The following GPR19 variants were observed in gnomAD, a reference collection of about 807,000 sequenced individuals.
GPR19 encodes G protein-coupled receptor 19.
Under a neutral mutation model 28.5 loss-of-function variants are expected in GPR19, and 14 were observed. That is an observed-to-expected ratio of 0.49 (90% CI 0.32 to 0.77). GPR19 has a LOEUF of 0.77. Among genes scored for constraint, GPR19 ranks in the 30% least tolerant of loss-of-function variants. GPR19 has a pLI of 0.03. For missense variants in GPR19, 409 were observed against 504.1 expected (o/e 0.81, Z 1.81); for synonymous variants, 173 against 184.1 (o/e 0.94, Z 0.49).
chr12:12,685,111 C>G (rs534835472), intron 2 of GPR19: 1 of 152,140 alleles, frequency 6.6e-6, no homozygotes, highest in Non-Finnish European at 1.5e-5. Context: ...ATAAACCACA[C>G]CATATGTTTA....
chr12:12,690,867 C>A (rs895034213), intron 2 of GPR19, among the ~76,000 whole-genome samples: 1 of 152,194 alleles, frequency 6.6e-6, no homozygotes, highest in Admixed American at 6.5e-5. Flanking sequence ...CTAAAAAGGG[C>A]TGTTGGCAAT....
chr12:12,694,768 T>C (rs567141855), intron 2 of GPR19, among the ~76,000 whole-genome samples: 2 of 152,324 alleles, frequency 1.3e-5, no homozygotes, highest in South Asian at 4.1e-4. Flanking sequence ...ACACTTTATA[T>C]GACATCATAT....
chr12:12,701,720 C>G, the GPR19 span, among the ~76,000 whole-genome samples: 2 of 152,040 alleles, frequency 1.3e-5, no homozygotes, highest in Non-Finnish European at 2.9e-5. Context: ...TGCTTGACTC[C>G]AGGAGTTTGA....
rs193119451 is a variant in GPR19 at position 12,665,568 on chromosome 12, G to A, written c.-22-3098C>T. On this transcript the variant is annotated intron_variant, in intron 3 of 3. Transcript: ENST00000651487. ...AGAAAACAAAGATCGGCCGAGCGCG[G>A]TGGCTCACGCCTGTAATCCCAGCAC... 5.0e-4 allele frequency among the ~76,000 whole-genome samples: 76 copies of A among 152,272 alleles called. No homozygotes were observed. In the Middle Eastern group the frequency reaches 0.024, roughly 48 times the overall value.
intron 3 of GPR19, among the ~76,000 whole-genome samples, chr12:12,665,975 CG>C (rs1003909699): frequency 2.0e-5 from 3 of 151,832 alleles, no homozygotes; most frequent in African/African-American, 7.3e-5. Context: ...CAGTTTTGCC[CG>C]GGTAAGGGGA....
rs540121532 is a variant in GPR19 at position 12,695,112 on chromosome 12, T to C, written c.-180+347A>G. 6.6e-5 allele frequency among the ~76,000 whole-genome samples: 10 copies of C among 152,336 alleles called. No individual in the cohort carries two copies. The South Asian group carries it at 1.5e-3, about 22-fold the overall frequency. ...TACAGATGAAGTGATACTCTTTACC[T>C]ATCAGCCATTCCTTTGTTGGAGTAA... On this transcript the variant is annotated intron_variant, in intron 2 of 3. Transcript: ENST00000651487.
At chr12:12,699,354 T>C (rs1205746781), upstream of GPR19, among the ~76,000 whole-genome samples, 4 of 151,912 alleles carry the variant, frequency 2.6e-5, no homozygotes, top group Non-Finnish European at 4.4e-5. Context: ...GAAAAAAAAA[T>C]TGAAAACATA....
chr12:12,692,952 A>G (rs1946208324), intron 2 of GPR19, among the ~76,000 whole-genome samples: 2 of 152,188 alleles, frequency 1.3e-5, no homozygotes, highest in African/African-American at 4.8e-5. Flanking sequence ...AAGGAACCCA[A>G]TTAAAGACAG....
the GPR19 span, among the ~76,000 whole-genome samples, chr12:12,705,269 A>G: frequency 6.6e-6 from 1 of 152,166 alleles, no homozygotes; most frequent in East Asian, 1.9e-4. Flanking sequence ...GTGAGCTGAG[A>G]TCGTGCTATT....
chr12:12,690,971 G>A (rs1472745465), intron 2 of GPR19, among the ~76,000 whole-genome samples: 1 of 152,134 alleles, frequency 6.6e-6, no homozygotes, highest in African/African-American at 2.4e-5. Flanking sequence ...CCATATATAA[G>A]TGTTACTGTG....
chr12:12,687,683 A>G (rs1404265877), intron 2 of GPR19, among the ~76,000 whole-genome samples: 1 of 152,248 alleles, frequency 6.6e-6, no homozygotes, highest in Admixed American at 6.5e-5. Context: ...AATAGCTCCA[A>G]TAATTAGGTA....
At chr12:12,714,273 C>A in the GPR19 span, among the ~76,000 whole-genome samples, 1 of 152,120 alleles carries the variant, frequency 6.6e-6, no homozygotes, top group Non-Finnish European at 1.5e-5. Context: ...TAAACATCCT[C>A]GAGGAAGGAC....
chr12:12,676,445 T>C (rs1592259929), intron 3 of GPR19, among the ~76,000 whole-genome samples: 1 of 152,288 alleles, frequency 6.6e-6, no homozygotes, highest in East Asian at 1.9e-4. Context: ...GAGTGCATTT[T>C]GATGGGAGGA....
the GPR19 span, chr12:12,703,243 G>T: frequency 3.8e-6 from 1 of 264,308 alleles, no homozygotes; most frequent in Non-Finnish European, 5.9e-6. Flanking sequence ...CCCTTATATT[G>T]GACGTGGAAA....
chr12:12,668,217 T>A (rs1566140449), intron 3 of GPR19, among the ~76,000 whole-genome samples: 1 of 152,210 alleles, frequency 6.6e-6, no homozygotes, highest in South Asian at 2.1e-4. Context: ...AAATTCTTTT[T>A]AAAAAATGCC....
chr12:12,699,978 CTTT>C (rs10716814), upstream of GPR19, among the ~76,000 whole-genome samples: 6 of 119,396 alleles, frequency 5.0e-5, no homozygotes, highest in Admixed American at 1.7e-4. Flanking sequence ...AGCTTTCTTT[CTTT>C]TTTTTTTTTT....
chr12:12,666,785 A>G (rs373152981), intron 3 of GPR19, among the ~76,000 whole-genome samples: 1 of 152,362 alleles, frequency 6.6e-6, no homozygotes, highest in South Asian at 2.1e-4. Context: ...GGAGAATTAA[A>G]TGCACATAGA....
intron 3 of GPR19, among the ~76,000 whole-genome samples, chr12:12,662,981 T>C (rs918118586): frequency 1.8e-4 from 28 of 152,258 alleles, no homozygotes; most frequent in African/African-American, 5.8e-4. Flanking sequence ...ACAGGCTAGC[T>C]ACTGGGAAGG....
upstream of GPR19, among the ~76,000 whole-genome samples, chr12:12,699,198 C>T (rs915223220): frequency 7.2e-5 from 11 of 151,874 alleles, no homozygotes; most frequent in East Asian, 5.9e-4. Context: ...AAAAATTAGC[C>T]GGGCGTGGTG....
Sources: allele counts gnomAD v4.1 joint callset (sites outside exome capture counted in the v4.1 genomes callset), GRCh38; gene constraint gnomAD v4.1.1; transcripts MANE v1.5; gene names NCBI Gene and HGNC (gene_info 2026-07-23, HGNC 2026-07-21).